The following CCDC122 variants were observed in gnomAD, a reference collection of about 807,000 sequenced individuals.
CCDC122 encodes the protein coiled-coil domain containing 122.
CCDC122 carries 38 observed loss-of-function variants against 37.0 expected under a neutral mutation model. The ratio of observed to expected loss-of-function variants is 1.03; its 90% CI spans 0.79 to 1.35. The LOEUF (loss-of-function observed/expected upper bound fraction) is 1.35. CCDC122 is among the 40% of genes most tolerant of loss of function. The probability of loss-of-function intolerance (pLI) is 0.00; values close to 1 mark genes in which losing one functional copy is unlikely to be tolerated. For missense variants in CCDC122, 305 were observed against 310.0 expected, an observed-to-expected ratio of 0.98 and a Z score of 0.12; for synonymous variants, 83 against 95.6, an observed-to-expected ratio of 0.87 and a Z score of 0.77.
intron 6 of CCDC122, among the ~76,000 whole-genome samples, chr13:43,847,853 C>T (rs1390328576): frequency 6.6e-6 from 1 of 152,122 alleles, no homozygotes; most frequent in African/African-American, 2.4e-5. Context: ...CAGCTCATTG[C>T]AACCTCTTCC....
At chr13:43,862,241 T>C (rs1175739084) in intron 4 of CCDC122, among the ~76,000 whole-genome samples, 4 of 152,220 alleles carry the variant, frequency 2.6e-5, no homozygotes, top group African/African-American at 9.6e-5. Flanking sequence ...ATGCTTCTCA[T>C]CTACTACTCT....
At position 43,837,162 on chromosome 13, in the gene CCDC122, A is replaced by G. The variant is rs1329370184; in HGVS notation, c.*118T>C. On this transcript the variant is annotated 3_prime_UTR_variant, in exon 7 of 7. Coordinates refer to ENST00000444614, the MANE Select transcript of CCDC122 (RefSeq NM_144974.5). ...AAAACAACAACCGAAGACATCTGTCATTAAGACAGGTCTCTAATAGTGGAT... is the reference window on the plus strand; with the variant it reads ...AAAACAACAACCGAAGACATCTGTCGTTAAGACAGGTCTCTAATAGTGGAT... 2.0e-6 allele frequency: 2 copies of G among 1,000,744 alleles called. No homozygotes were observed. The highest frequency in any genetic ancestry group is 1.5e-6 in the Non-Finnish European group (1 of 686,402). 62.0% of individuals were successfully genotyped at this position (1,000,744 alleles called of 1,614,324 possible).
chr13:43,847,416 T>A lies in CCDC122; in HGVS notation c.673-9987A>T, dbSNP rs117240381. On this transcript the variant is annotated intron_variant, in intron 6 of 6. Coordinates refer to ENST00000444614, the MANE Select transcript of CCDC122 (RefSeq NM_144974.5). ...ACATTTTAATCTTTTTTAAGGAGAA[T>A]GTATTCCTAAAAACAAAAACCATAT... Among the ~76,000 whole-genome samples, 1,341 of 152,262 alleles carry A rather than the reference T, an allele frequency of 8.8e-3. 7 individuals are homozygous for A. Among genetic ancestry groups the A allele is most frequent in the Admixed American group, 0.015 (232 of 15,294 alleles).
chr13:43,851,523 C>T (rs1442256501), intron 6 of CCDC122, among the ~76,000 whole-genome samples: 1 of 152,180 alleles, frequency 6.6e-6, no homozygotes, highest in Non-Finnish European at 1.5e-5. Flanking sequence ...CTGTCTCCCC[C>T]TAACTACACT....
chr13:43,878,488 G>A (rs993094349), intron 1 of CCDC122, among the ~76,000 whole-genome samples: 4 of 152,096 alleles, frequency 2.6e-5, no homozygotes, highest in African/African-American at 9.7e-5. Flanking sequence ...TACCCCAGAG[G>A]GCTCTTCCAA....
At chr13:43,835,851 G>A (rs1462425950), downstream of CCDC122, among the ~76,000 whole-genome samples, 1 of 152,164 alleles carries the variant, frequency 6.6e-6, no homozygotes, top group Non-Finnish European at 1.5e-5. Context: ...AGTATAGTGT[G>A]TACTCCCCAC....
chr13:43,863,502 T>A (rs751279661), intron 4 of CCDC122, among the ~76,000 whole-genome samples: 1 of 152,204 alleles, frequency 6.6e-6, no homozygotes, highest in Admixed American at 6.5e-5. Context: ...AAAAGTTAAA[T>A]GGCTAGATTA....
At chr13:43,873,829 C>T (rs1403658700) in intron 2 of CCDC122, among the ~76,000 whole-genome samples, 1 of 152,172 alleles carries the variant, frequency 6.6e-6, no homozygotes, top group Non-Finnish European at 1.5e-5. Flanking sequence ...GCATCTATTA[C>T]CACCGACATC....
At chr13:43,843,711 GTTT>G (rs1189191395) in intron 6 of CCDC122, among the ~76,000 whole-genome samples, 1 of 151,854 alleles carries the variant, frequency 6.6e-6, no homozygotes, top group Non-Finnish European at 1.5e-5. Context: ...TATGGGAAGA[GTTT>G]TTAAATATGA....
chr13:43,821,606 C>G (rs930190570), downstream of CCDC122, among the ~76,000 whole-genome samples: 30 of 152,146 alleles, frequency 2.0e-4, no homozygotes, highest in Non-Finnish European at 3.5e-4. Flanking sequence ...TTTTTAAGGC[C>G]AATAACTCTT....
chr13:43,860,034 T>C lies in CCDC122; in HGVS notation c.193A>G (p.Ile65Val). The C allele has an allele frequency of 6.5e-7, 1 of 1,549,194 alleles. No individual in the cohort carries two copies. The highest frequency in any genetic ancestry group is 8.7e-7 in the Non-Finnish European group (1 of 1,147,732). ...TCTGTTTCTTTAGTTTCTGCAGAGA[T>C]AGCTGCTATTTCTTTTTCAAGCTCA... is the stretch of plus-strand genomic sequence containing the variant. ...LHELEKEIAA[I>V]SAETKETERQ... The change falls in exon 5 of 7, where the codon ATC becomes GTC. Residue 65 changes from isoleucine (I) to valine (V), a missense_variant. Transcript: ENST00000444614.
intron 4 of CCDC122, among the ~76,000 whole-genome samples, chr13:43,864,122 C>T (rs565324172): frequency 6.6e-6 from 1 of 152,216 alleles, no homozygotes; most frequent in African/African-American, 2.4e-5. Context: ...TACTGAATTG[C>T]TTTGGTACGT....
intron 3 of CCDC122, 85 bp downstream of exon 3, chr13:43,869,246 C>A: frequency 1.0e-6 from 1 of 991,152 alleles, no homozygotes. Context: ...AATTTGCTAT[C>A]AATTTTAACA....
intron 6 of CCDC122, chr13:43,855,003 AC>A (rs1953859880): frequency 6.6e-6 from 1 of 152,154 alleles, no homozygotes; most frequent in Non-Finnish European, 1.5e-5. Context: ...TCTATGACAA[AC>A]CCACAGCCAA....
intron 1 of CCDC122, among the ~76,000 whole-genome samples, chr13:43,875,386 C>G (rs1271316398): frequency 6.6e-6 from 1 of 152,174 alleles, no homozygotes; most frequent in Admixed American, 6.5e-5. Flanking sequence ...ACTCCCAGAA[C>G]ATGTAAATGT....
Position 43,859,810 on chromosome 13 carries a change from CA to C in CCDC122, c.416del (p.Leu139TrpfsTer4). 6.2e-7 allele frequency: 1 copy of C among 1,609,616 alleles called. No individual in the cohort carries two copies. Among genetic ancestry groups the C allele is most frequent in the Non-Finnish European group, 8.5e-7 (1 of 1,178,498 alleles). On this transcript the variant is annotated frameshift_variant, in exon 5 of 7. Transcript: ENST00000444614. LOFTEE classifies it high-confidence loss of function. ...YAKIKAHKNS[L>X]GEVESKWSFM... ...ATGACCATTTGCTCTCTACTTCCCC[CA>C]AACTATTTTTATGTGCTTTTATTTT... is the stretch of plus-strand genomic sequence containing the variant.
intron 6 of CCDC122, chr13:43,848,981 T>A: frequency 1.0e-6 from 1 of 959,752 alleles, no homozygotes; most frequent in African/African-American, 1.8e-5. Context: ...AGGTTACTCA[T>A]ATTAATGATC....
intron 4 of CCDC122, among the ~76,000 whole-genome samples, chr13:43,860,933 G>A (rs1954082387): frequency 6.6e-6 from 1 of 152,106 alleles, no homozygotes; most frequent in Non-Finnish European, 1.5e-5. Flanking sequence ...TCAATTATCT[G>A]TTGCCAGAAT....
In CCDC122 at chr13:43,874,443, A is replaced by T. The variant is rs888605299; in HGVS notation, c.-114+399T>A. Among the ~76,000 whole-genome samples, 11 of 152,118 alleles carry T rather than the reference A, an allele frequency of 7.2e-5. No individual in the cohort carries two copies. In the East Asian group the frequency reaches 1.2e-3, roughly 16 times the overall value. ...GGAAGACAAATACAGTGTTTTATTT[A>T]TTTTTGTATTCCTTAAAGTATTTGA... On this transcript the variant is annotated intron_variant, in intron 2 of 6. Transcript: ENST00000444614.
Sources: allele counts gnomAD v4.1 joint callset (sites outside exome capture counted in the v4.1 genomes callset), GRCh38; gene constraint gnomAD v4.1.1; transcripts MANE v1.5; gene names NCBI Gene and HGNC (gene_info 2026-07-23, HGNC 2026-07-21).